The following DNAH14 variants were observed in gnomAD, a reference collection of about 807,000 sequenced individuals.
DNAH14 encodes the protein dynein axonemal heavy chain 14.
Under a neutral mutation model 520.9 loss-of-function variants are expected in DNAH14, and 478 were observed. The observed-to-expected ratio is 0.92, with a 90% CI of 0.85 to 0.99. The LOEUF is 0.99. Among genes scored for constraint, DNAH14 ranks in the 50% least tolerant of loss-of-function variants. The pLI, the probability that DNAH14 is intolerant of heterozygous loss-of-function variation, is 0.00. For synonymous variants in DNAH14, 1,581 were observed against 1,757.2 expected, an observed-to-expected ratio of 0.90 and a Z score of 2.51; for missense variants, 4,831 against 5,234.5, an observed-to-expected ratio of 0.92 and a Z score of 2.38.
intron 35 of DNAH14, among the ~76,000 whole-genome samples, chr1:225,160,807 CA>C (rs2081440370): frequency 6.6e-6 from 1 of 151,896 alleles, no homozygotes; most frequent in African/African-American, 2.4e-5. Context: ...ATTTTTTTCT[CA>C]AAAAACTAGC....
intron 54 of DNAH14, among the ~76,000 whole-genome samples, chr1:225,281,046 A>G (rs978378915): frequency 6.6e-6 from 1 of 152,224 alleles, no homozygotes; most frequent in African/African-American, 2.4e-5. Flanking sequence ...GAGCAATTAC[A>G]TAGGTAAATA....
chr1:225,272,159 G>A lies in DNAH14; in HGVS notation c.7839+86G>A, dbSNP rs2093332590. ...TGTCAACATTAGATTGTTAGAAGGG[G>A]AAAAAAGGGAAATGAATGTTGGTTA... On this transcript the variant is annotated intron_variant, in intron 51 of 85. Transcript: ENST00000682510. 8.6e-6 allele frequency: 11 copies of A among 1,277,896 alleles called. No individual in the cohort carries two copies. In the Admixed American group the frequency reaches 1.5e-4, roughly 17 times the overall value. 79.2% of individuals were successfully genotyped at this position (1,277,896 alleles called of 1,614,324 possible). A position where few individuals can be genotyped will look rare whatever the true frequency, so the allele number is the denominator to read the frequency against.
chr1:225,096,903 A>G (rs1212898264), intron 21 of DNAH14, among the ~76,000 whole-genome samples: 1 of 152,158 alleles, frequency 6.6e-6, no homozygotes. Context: ...TGCATGTTGT[A>G]TAATAAATAT....
chr1:225,336,137 AGAC>A (rs1213379513), intron 66 of DNAH14, among the ~76,000 whole-genome samples: 22 of 150,084 alleles, frequency 1.5e-4, no homozygotes, highest in Non-Finnish European at 3.0e-4. Flanking sequence ...GTGTATATGT[AGAC>A]AGACCTCAAG....
At chr1:225,033,981 A>G (rs979162481) in intron 11 of DNAH14, among the ~76,000 whole-genome samples, 2 of 151,862 alleles carry the variant, frequency 1.3e-5, no homozygotes, top group Admixed American at 6.6e-5. Flanking sequence ...GGCTGAAACT[A>G]TAGGTAAAGA....
chr1:225,119,953 C>A (rs146834541), intron 26 of DNAH14, among the ~76,000 whole-genome samples: 91 of 152,286 alleles, frequency 6.0e-4, no homozygotes, highest in African/African-American at 2.0e-3. Context: ...ACCATTCTGG[C>A]TCTCCTTTTC....
At chr1:224,959,782 C>T (rs2060731395) in intron 3 of DNAH14, among the ~76,000 whole-genome samples, 1 of 152,146 alleles carries the variant, frequency 6.6e-6, no homozygotes. Flanking sequence ...TCAAAAACCA[C>T]AGTTACTTTT....
intron 21 of DNAH14, among the ~76,000 whole-genome samples, chr1:225,090,812 T>G (rs2074313147): frequency 6.6e-6 from 1 of 152,152 alleles, no homozygotes; most frequent in Admixed American, 6.5e-5. Context: ...TGACCTTGCT[T>G]TAGGCAGATT....
intron 41 of DNAH14, among the ~76,000 whole-genome samples, chr1:225,226,242 C>T (rs2090520167): frequency 1.3e-5 from 2 of 152,186 alleles, no homozygotes; most frequent in African/African-American, 2.4e-5. Flanking sequence ...GACTTACCCC[C>T]AGTGGGGTCT....
intron 23 of DNAH14, among the ~76,000 whole-genome samples, chr1:225,102,975 C>A (rs538870689): frequency 6.6e-6 from 1 of 152,226 alleles, no homozygotes; most frequent in East Asian, 1.9e-4. Flanking sequence ...ATGCCTATGT[C>A]CTGAATGGTA....
chr1:225,373,257 G>A (rs552532587), intron 77 of DNAH14, among the ~76,000 whole-genome samples: 3 of 152,076 alleles, frequency 2.0e-5, no homozygotes, highest in Non-Finnish European at 4.4e-5. Flanking sequence ...TTGGGAGGCC[G>A]AGGCCGCCAG....
intron 37 of DNAH14, among the ~76,000 whole-genome samples, chr1:225,187,365 A>G (rs2084889514): frequency 6.6e-6 from 1 of 151,710 alleles, no homozygotes; most frequent in African/African-American, 2.4e-5. Flanking sequence ...TTCTCTTTCT[A>G]TAGATTCGCC....
intron 17 of DNAH14, among the ~76,000 whole-genome samples, chr1:225,057,554 T>G (rs1245944002): frequency 1.3e-5 from 2 of 152,164 alleles, no homozygotes; most frequent in African/African-American, 2.4e-5. Flanking sequence ...GGCCAGAACT[T>G]CCAACACTAT....
At chr1:225,067,412 T>C (rs943615131) in intron 17 of DNAH14, among the ~76,000 whole-genome samples, 8 of 152,194 alleles carry the variant, frequency 5.3e-5, no homozygotes, top group African/African-American at 1.9e-4. Context: ...TTGTGAGCAG[T>C]GCTGCAATGG....
At chr1:224,986,547 A>G (rs544234872) in intron 8 of DNAH14, among the ~76,000 whole-genome samples, 1 of 152,328 alleles carries the variant, frequency 6.6e-6, no homozygotes, top group South Asian at 2.1e-4. Context: ...AATGTGAAAC[A>G]TTATATCAAC....
chr1:224,957,882 A>T (rs936479661), intron 3 of DNAH14, among the ~76,000 whole-genome samples: 2 of 152,164 alleles, frequency 1.3e-5, no homozygotes, highest in Non-Finnish European at 2.9e-5. Context: ...GAAAGGCAGG[A>T]TGTAGACTGA....
intron 36 of DNAH14, among the ~76,000 whole-genome samples, chr1:225,173,894 A>G (rs935762579): frequency 6.6e-6 from 1 of 152,274 alleles, no homozygotes; most frequent in Admixed American, 6.5e-5. Flanking sequence ...GATTAAGAAA[A>G]TGTGGCACAT....
intron 17 of DNAH14, among the ~76,000 whole-genome samples, chr1:225,064,380 T>C (rs1271610253): frequency 6.6e-6 from 1 of 152,016 alleles, no homozygotes; most frequent in Non-Finnish European, 1.5e-5. Context: ...TAAAGTTAAA[T>C]ACTCACCATT....
intron 1 of DNAH14, among the ~76,000 whole-genome samples, chr1:224,930,991 A>T (rs944368414): frequency 6.6e-6 from 1 of 152,212 alleles, no homozygotes; most frequent in African/African-American, 2.4e-5. Context: ...CCTTTAGGAG[A>T]TATTCCAGAA....
Sources: gnomAD v4.1 joint callset for allele counts (sites outside exome capture counted in the v4.1 genomes callset) on GRCh38, gnomAD v4.1.1 for gene constraint, MANE v1.5 for transcripts, NCBI Gene and HGNC (gene_info 2026-07-23, HGNC 2026-07-21) for gene names.